The following CHD9 variants were observed in gnomAD, a reference collection of about 807,000 sequenced individuals.
The protein encoded by CHD9 is chromodomain helicase DNA binding protein 9, also known as ATP-dependent chromatin remodeler CHD9.
Under a neutral mutation model 316.1 loss-of-function variants are expected in CHD9, and 77 were observed. The observed-to-expected ratio is 0.24, with a 90% CI of 0.20 to 0.29. The LOEUF (loss-of-function observed/expected upper bound fraction) is 0.29. Ranked by LOEUF, CHD9 falls within the 10% of genes least tolerant of loss-of-function variation. The pLI is 1.00. For missense variants in CHD9, 2,763 were observed against 3,438.1 expected (o/e 0.80, Z 4.91); for synonymous variants, 1,129 against 1,158.3 (o/e 0.97, Z 0.51).
intron 1 of CHD9, among the ~76,000 whole-genome samples, chr16:53,104,192 C>A (rs967421465): frequency 2.6e-5 from 4 of 152,150 alleles, no homozygotes; most frequent in Non-Finnish European, 4.4e-5. Flanking sequence ...ATTTTTTCCC[C>A]CTTGTATTTA....
chr16:53,157,595 G>A, intron 2 of CHD9, 54 bp downstream of exon 2: 1 of 1,492,750 alleles, frequency 6.7e-7, no homozygotes, highest in South Asian at 1.3e-5. Flanking sequence ...CGGACTGTTA[G>A]TCATTGGGTT....
intron 24 of CHD9, among the ~76,000 whole-genome samples, chr16:53,275,119 T>G (rs2052683802): frequency 6.6e-6 from 1 of 152,090 alleles, no homozygotes; most frequent in South Asian, 2.1e-4. Context: ...GCAACCTCCA[T>G]CTCCCAGGTG....
chr16:53,238,524 C>T lies in CHD9; in HGVS notation c.2815C>T (p.His939Tyr). ...TWTDINVVVY[H>Y]GSLISRQMIQ... ...GACTGATATTAACGTTGTGGTTTATCATGGGAGCCTGATTAGCAGACAAAT... is the reference window on the plus strand; with the variant it reads ...GACTGATATTAACGTTGTGGTTTATTATGGGAGCCTGATTAGCAGACAAAT... The change falls in exon 12 of 39, where the codon CAT becomes TAT. Residue 939 changes from histidine to tyrosine, a missense_variant. Physicochemically the swap from His to Tyr is moderately conservative, Grantham distance 83. Transcript: ENST00000447540. 6.2e-7 allele frequency: 1 copy of T among 1,612,950 alleles called. No homozygotes were observed. The highest frequency in any genetic ancestry group is 1.1e-5 in the South Asian group (1 of 91,050).
chr16:53,241,765 G>T (rs1217244631), intron 12 of CHD9, among the ~76,000 whole-genome samples: 7 of 152,158 alleles, frequency 4.6e-5, no homozygotes, highest in African/African-American at 1.7e-4. Flanking sequence ...TTTCTTGCTT[G>T]CATTACTATG....
At chr16:53,247,573 G>A (rs186205553) in intron 16 of CHD9, 70 bp downstream of exon 16, 2 of 1,037,242 alleles carry the variant, frequency 1.9e-6, no homozygotes, top group African/African-American at 1.6e-5. Flanking sequence ...GCACTGTAAT[G>A]TAAATGAACT....
At chr16:53,187,645 C>T (rs1006237794) in intron 2 of CHD9, among the ~76,000 whole-genome samples, 1 of 152,058 alleles carries the variant, frequency 6.6e-6, no homozygotes, top group Non-Finnish European at 1.5e-5. Context: ...TGTAATGTTC[C>T]TGAATTCATA....
intron 29 of CHD9, 52 bp downstream of exon 29, chr16:53,293,104 T>G: frequency 1.4e-6 from 2 of 1,444,722 alleles, no homozygotes; most frequent in Non-Finnish European, 1.9e-6. Context: ...TAGCTGTTCA[T>G]TCTAAAGCCT....
intron 2 of CHD9, among the ~76,000 whole-genome samples, chr16:53,205,232 T>TA (rs1469379146): frequency 1.1e-4 from 16 of 152,194 alleles, no homozygotes; most frequent in Non-Finnish European, 2.2e-4. Flanking sequence ...TTATCACACT[T>TA]ACAGAAAAAT....
chr16:53,205,308 A>G (rs906059768), intron 2 of CHD9, among the ~76,000 whole-genome samples: 1 of 152,268 alleles, frequency 6.6e-6, no homozygotes, highest in Admixed American at 6.5e-5. Flanking sequence ...GTAATCCATC[A>G]TCCCCAAAGA....
At position 53,118,994 on chromosome 16, in the gene CHD9, G is replaced by A. The variant is rs2038534582; in HGVS notation, c.-164-36932G>A. ...TTTAGTAGAGATGGGGTTCCACCATGTTGGCCAGGCTGGTCTCGAACTCCT... is the reference window on the plus strand; with the variant it reads ...TTTAGTAGAGATGGGGTTCCACCATATTGGCCAGGCTGGTCTCGAACTCCT... On this transcript the variant is annotated intron_variant, in intron 1 of 38. Coordinates refer to ENST00000447540, the MANE Select transcript of CHD9 (RefSeq NM_001308319.2). 2.6e-5 allele frequency among the ~76,000 whole-genome samples: 4 copies of A among 152,156 alleles called. No individual in the cohort carries two copies. The South Asian group carries it at 8.3e-4, about 32-fold the overall frequency.
chr16:53,305,668 C>A (rs1449418559), intron 31 of CHD9, among the ~76,000 whole-genome samples: 1 of 152,096 alleles, frequency 6.6e-6, no homozygotes, highest in African/African-American at 2.4e-5. Context: ...GTCAGCAGAA[C>A]AGTGTTTGGT....
intron 2 of CHD9, among the ~76,000 whole-genome samples, chr16:53,181,139 T>C (rs568692005): frequency 1.3e-5 from 2 of 151,846 alleles, no homozygotes; most frequent in East Asian, 3.9e-4. Context: ...GCCTCCCGAG[T>C]AGCTGGGATT....
intron 2 of CHD9, among the ~76,000 whole-genome samples, chr16:53,162,054 C>T (rs774418683): frequency 2.0e-5 from 3 of 152,148 alleles, no homozygotes; most frequent in Non-Finnish European, 4.4e-5. Context: ...CTGACCCAGC[C>T]TTGCTTTTTT....
At chr16:53,239,876 G>A (rs902363945) in intron 12 of CHD9, among the ~76,000 whole-genome samples, 4 of 152,144 alleles carry the variant, frequency 2.6e-5, no homozygotes, top group Admixed American at 2.0e-4. Flanking sequence ...CTCCAAAGGT[G>A]CAAAGGTGAC....
At chr16:53,155,360 C>A (rs947433321) in intron 1 of CHD9, among the ~76,000 whole-genome samples, 9 of 151,886 alleles carry the variant, frequency 5.9e-5, no homozygotes, top group Non-Finnish European at 1.3e-4. Flanking sequence ...GTAGCTGAGA[C>A]TACAGGTACA....
chr16:53,096,286 A>G (rs1440018472), intron 1 of CHD9, among the ~76,000 whole-genome samples: 1 of 152,132 alleles, frequency 6.6e-6, no homozygotes, highest in Non-Finnish European at 1.5e-5. Flanking sequence ...GGACCACGTC[A>G]CTGTCTTATT....
intron 1 of CHD9, among the ~76,000 whole-genome samples, chr16:53,114,582 T>C (rs879823000): frequency 3.0e-4 from 45 of 149,646 alleles, no homozygotes; most frequent in Non-Finnish European, 5.2e-4. Context: ...TTATTTTTTA[T>C]TTATTTATTT....
chr16:53,154,247 A>G (rs1003288650), intron 1 of CHD9, among the ~76,000 whole-genome samples: 1 of 152,332 alleles, frequency 6.6e-6, no homozygotes, highest in Non-Finnish European at 1.5e-5. Context: ...CTAATGTTTT[A>G]CTAATATTTC....
In CHD9 at chr16:53,220,845, C is replaced by T. The variant is rs145722769; in HGVS notation, c.1785-1799C>T. 1.9e-4 allele frequency among the ~76,000 whole-genome samples: 29 copies of T among 152,338 alleles called. No individual in the cohort carries two copies. In the East Asian group the frequency reaches 2.9e-3, roughly 15 times the overall value. On this transcript the variant is annotated intron_variant, in intron 3 of 38. Coordinates refer to ENST00000447540, the MANE Select transcript of CHD9 (RefSeq NM_001308319.2). ...TGCTATTACCACTGCATGTTCTCCT[C>T]ACTCTTCTGTGGTATCCCCCTACCT... is the stretch of plus-strand genomic sequence containing the variant.
Sources: gnomAD v4.1 joint callset for allele counts (sites outside exome capture counted in the v4.1 genomes callset) on GRCh38, gnomAD v4.1.1 for gene constraint, MANE v1.5 for transcripts, NCBI Gene and HGNC (gene_info 2026-07-23, HGNC 2026-07-21) for gene names.